Variants in PLEKHA3 observed in about 807,000 individuals in gnomAD.
The protein encoded by PLEKHA3 is pleckstrin homology domain containing A3.
A neutral mutation model predicts 39.2 loss-of-function variants in PLEKHA3; 19 were observed. The observed-to-expected ratio is 0.48, with a 90% CI of 0.34 to 0.71. The LOEUF (loss-of-function observed/expected upper bound fraction) is 0.71. Among genes scored for constraint, PLEKHA3 ranks in the 30% least tolerant of loss-of-function variants. PLEKHA3 has a pLI of 0.01. For missense variants in PLEKHA3, 253 were observed against 359.5 expected, an observed-to-expected ratio of 0.70 and a Z score of 2.40; for synonymous variants, 97 against 118.6, an observed-to-expected ratio of 0.82 and a Z score of 1.18.
chr2:178,497,702 TC>T (rs1685469757), intron 5 of PLEKHA3, among the ~76,000 whole-genome samples: 5 of 152,278 alleles, frequency 3.3e-5, no homozygotes, highest in Admixed American at 6.5e-5. Context: ...AGTGCTGTGT[TC>T]CTGAGGTTGA....
In PLEKHA3 at chr2:178,504,446, C is replaced by T. The variant is rs1020663668; in HGVS notation, c.*559C>T. On this transcript the variant is annotated 3_prime_UTR_variant, in exon 8 of 8. Transcript: ENST00000234453. ...TATTGAGCATCTTTAAATAACCAGA[C>T]TGTATTGTCCTTCATATGTGAAGTT... is the stretch of plus-strand genomic sequence containing the variant. 3.3e-5 allele frequency: 5 copies of T among 152,378 alleles called. No homozygotes were observed. Among genetic ancestry groups the T allele is most frequent in the Non-Finnish European group, 7.4e-5 (5 of 67,866 alleles). The allele number at this position is 152,378 out of a possible 1,614,324, so 9.4% of individuals were successfully genotyped here.
chr2:178,488,676 C>A (rs1260231786), intron 2 of PLEKHA3, among the ~76,000 whole-genome samples: 2 of 152,156 alleles, frequency 1.3e-5, no homozygotes, highest in African/African-American at 4.8e-5. Context: ...AACTTTAGTT[C>A]TTTTTCAGTA....
rs368159563 is a variant in PLEKHA3, at chr2:178,501,201, T to G, written c.775+25T>G. On this transcript the variant is annotated intron_variant, in intron 7 of 7. Transcript: ENST00000234453. ...AGTAAGTGACATAGATTCTGTCTCT[T>G]TCTTTGGCATATTCAGCAAAATTAC... is the stretch of plus-strand genomic sequence containing the variant. 3.7e-5 allele frequency: 58 copies of G among 1,564,806 alleles called. No individual in the cohort carries two copies. In the African/African-American group the frequency reaches 4.9e-4, roughly 13 times the overall value.
Position 178,511,036 on chromosome 2 carries a change from T to C in PLEKHA3, c.*7149T>C, listed in dbSNP as rs1685676682. 6.6e-6 allele frequency: 1 copy of C among 152,228 alleles called. No individual in the cohort carries two copies. Among genetic ancestry groups the C allele is most frequent in the East Asian group, 1.9e-4 (1 of 5,200 alleles). The allele number at this position is 152,228 out of a possible 1,614,324, so 9.4% of individuals were successfully genotyped here. On this transcript the variant is annotated 3_prime_UTR_variant, in exon 8 of 8. Transcript: ENST00000234453. ...ATCTCTTTCAGATATTTTAAGTATC[T>C]TTTTTGTGTCTGGATTCAGAGAGGT...
intron 6 of PLEKHA3, 141 bp downstream of exon 6, chr2:178,499,395 A>G: frequency 1.4e-6 from 1 of 706,680 alleles, no homozygotes; most frequent in South Asian, 2.5e-5. Flanking sequence ...ATCTCTCAGT[A>G]TTTATCTCCT....
chr2:178,481,054 C>A, intron 1 of PLEKHA3, 145 bp downstream of exon 1: 1 of 703,412 alleles, frequency 1.4e-6, no homozygotes, highest in Non-Finnish European at 2.0e-6. Flanking sequence ...TTGAGTCCTT[C>A]TGGCCTCTTC....
intron 7 of PLEKHA3, chr2:178,502,442 G>A: frequency 5.8e-6 from 2 of 343,768 alleles, no homozygotes; most frequent in Non-Finnish European, 5.8e-6. Flanking sequence ...AGAGGAGGAG[G>A]GTTAAAGAGG....
At position 178,507,751 on chromosome 2, in the gene PLEKHA3, T is replaced by G. The variant is rs1474726108; in HGVS notation, c.*3864T>G. On this transcript the variant is annotated 3_prime_UTR_variant, in exon 8 of 8. Transcript: ENST00000234453. ...AAAAGGTGCATAGAAAGTAAAGATT[T>G]TAAGGCTTTACAGGTCTGAAAATGT... 6.8e-6 allele frequency: 1 copy of G among 146,594 alleles called. No homozygotes were observed. Among genetic ancestry groups the G allele is most frequent in the African/African-American group, 2.6e-5 (1 of 39,168 alleles). The allele number at this position is 146,594 out of a possible 1,614,324, so 9.1% of individuals were successfully genotyped here.
Position 178,515,051 on chromosome 2 carries a change from T to C in PLEKHA3, c.*11164T>C, listed in dbSNP as rs1685741535. ...TTATAACATTCTCTCTCTTTTTTTT[T>C]TTTTTTTTTTGTAGCATATGGCTTC... On this transcript the variant is annotated 3_prime_UTR_variant, in exon 8 of 8. Coordinates refer to ENST00000234453, the MANE Select transcript of PLEKHA3 (RefSeq NM_019091.4). The C allele has an allele frequency of 6.6e-6, 1 of 151,508 alleles. No individual in the cohort carries two copies. Among genetic ancestry groups the C allele is most frequent in the Non-Finnish European group, 1.5e-5 (1 of 67,880 alleles). The allele number at this position is 151,508 out of a possible 1,614,324, so 9.4% of individuals were successfully genotyped here.
In PLEKHA3 at chr2:178,507,644, T is replaced by C. The variant is rs187279370; in HGVS notation, c.*3757T>C. ...TCATTCTGAAACTCCCTTTAGTTTT[T>C]AGTCTCACATTAGGTTTTTTTTTTT... On this transcript the variant is annotated 3_prime_UTR_variant, in exon 8 of 8. Transcript: ENST00000234453. 6.7e-6 allele frequency: 1 copy of C among 148,912 alleles called. No homozygotes were observed. Among genetic ancestry groups the C allele is most frequent in the African/African-American group, 2.5e-5 (1 of 40,242 alleles). 9.2% of individuals were successfully genotyped at this position (148,912 alleles called of 1,614,324 possible). A position where few individuals can be genotyped will look rare whatever the true frequency, so the allele number is the denominator to read the frequency against.
chr2:178,481,380 G>C (rs1479683674), intron 1 of PLEKHA3, among the ~76,000 whole-genome samples: 1 of 152,038 alleles, frequency 6.6e-6, no homozygotes. Flanking sequence ...TTGTCTTGTT[G>C]AGGTTGTTCA....
intron 1 of PLEKHA3, among the ~76,000 whole-genome samples, chr2:178,484,185 C>T (rs757866725): frequency 6.6e-6 from 1 of 151,900 alleles, no homozygotes; most frequent in East Asian, 1.9e-4. Context: ...TTTTTGGTAC[C>T]TCTTATGTGC....
In PLEKHA3 at chr2:178,514,011, G is replaced by A. The variant is rs996590915; in HGVS notation, c.*10124G>A. The A allele has an allele frequency of 2.6e-5, 4 of 152,126 alleles. No individual in the cohort carries two copies. The highest frequency in any genetic ancestry group is 5.9e-5 in the Non-Finnish European group (4 of 68,024). The allele number at this position is 152,126 out of a possible 1,614,324, so 9.4% of individuals were successfully genotyped here. A position where few individuals can be genotyped will look rare whatever the true frequency, so the allele number is the denominator to read the frequency against. On this transcript the variant is annotated 3_prime_UTR_variant, in exon 8 of 8. Transcript: ENST00000234453. Reference sequence around the variant, plus strand: ...CATGCCTTCAGAATTGGCATCCTCGGGTGATTGTCCATAGCCTCTTGCAAT... The same window carrying A: ...CATGCCTTCAGAATTGGCATCCTCGAGTGATTGTCCATAGCCTCTTGCAAT...
intron 5 of PLEKHA3, among the ~76,000 whole-genome samples, chr2:178,496,449 C>G (rs997834874): frequency 6.6e-6 from 1 of 152,178 alleles, no homozygotes; most frequent in Non-Finnish European, 1.5e-5. Context: ...ACCTGAAGAT[C>G]TATTTGTTAG....
chr2:178,506,567 T>C lies in PLEKHA3; in HGVS notation c.*2680T>C. 1 of 152,212 alleles carries C rather than the reference T, an allele frequency of 6.6e-6. No homozygotes were observed. Among genetic ancestry groups the C allele is most frequent in the East Asian group, 1.9e-4 (1 of 5,202 alleles). The allele number at this position is 152,212 out of a possible 1,614,324, so 9.4% of individuals were successfully genotyped here. On this transcript the variant is annotated 3_prime_UTR_variant, in exon 8 of 8. Transcript: ENST00000234453. Reference sequence around the variant, plus strand: ...GACCTTGAATTGTAGTTTTTCAGTATGTATTATCACATTTAGAAATGTAAA... The same window carrying C: ...GACCTTGAATTGTAGTTTTTCAGTACGTATTATCACATTTAGAAATGTAAA...
intron 1 of PLEKHA3, chr2:178,481,845 G>C (rs1045165758): frequency 3.6e-5 from 5 of 139,616 alleles, no homozygotes; most frequent in Admixed American, 1.4e-4. Flanking sequence ...GATTTTTTGG[G>C]GGGGGGGGGT....
chr2:178,481,177 A>G (rs1160138488), intron 1 of PLEKHA3, among the ~76,000 whole-genome samples: 1 of 152,174 alleles, frequency 6.6e-6, no homozygotes, highest in Non-Finnish European at 1.5e-5. Context: ...AACAATTCTC[A>G]GTCACCCTAC....
At chr2:178,485,478 G>A (rs1350075956) in intron 1 of PLEKHA3, among the ~76,000 whole-genome samples, 163 bp from the exon 2 acceptor site, 2 of 152,178 alleles carry the variant, frequency 1.3e-5, no homozygotes, top group Non-Finnish European at 2.9e-5. Flanking sequence ...GGAGACTGAT[G>A]CAAAAACATT....
intron 5 of PLEKHA3, among the ~76,000 whole-genome samples, chr2:178,497,599 A>G (rs753822281): frequency 1.3e-5 from 2 of 152,222 alleles, no homozygotes; most frequent in Admixed American, 6.5e-5. Context: ...TAGTTTGACA[A>G]TGTTGCTTTT....
Sources: allele counts gnomAD v4.1 joint callset (sites outside exome capture counted in the v4.1 genomes callset), GRCh38; gene constraint gnomAD v4.1.1; transcripts MANE v1.5; gene names NCBI Gene and HGNC (gene_info 2026-07-23, HGNC 2026-07-21).